PIK3CD: variants seen among roughly 807,000 people sequenced by gnomAD.
PIK3CD encodes the protein phosphatidylinositol-4,5-bisphosphate 3-kinase catalytic subunit delta, also known as phosphatidylinositol 4,5-bisphosphate 3-kinase catalytic subunit delta isoform.
A neutral mutation model predicts 122.9 loss-of-function variants in PIK3CD; 20 were observed. That is an observed-to-expected ratio of 0.16 (90% CI 0.11 to 0.24). The LOEUF is 0.24. Among genes scored for constraint, PIK3CD ranks in the 10% least tolerant of loss-of-function variants. PIK3CD has a pLI of 1.00. For missense variants in PIK3CD, 787 were observed against 1,406.3 expected (o/e 0.56, Z 7.04); for synonymous variants, 596 against 593.4 (o/e 1.00, Z -0.06).
intron 1 of PIK3CD, among the ~76,000 whole-genome samples, chr1:9,684,877 A>G (rs1243422003): frequency 6.6e-6 from 1 of 151,542 alleles, no homozygotes; most frequent in Non-Finnish European, 1.5e-5. Context: ...AAAAAAGAAA[A>G]AAGAATGAGC....
At position 9,716,604 on chromosome 1, in the gene PIK3CD, G is replaced by T; in HGVS notation, c.765G>T (p.Pro255=). 6.4e-7 allele frequency: 1 copy of T among 1,561,858 alleles called. No individual in the cohort carries two copies. The highest frequency in any genetic ancestry group is 8.7e-7 in the Non-Finnish European group (1 of 1,154,676). The stretch of plus-strand genomic sequence containing the variant: ...ATGAGTACCTGTATGGCAGCTACCC[G>T]CTCTGCCAGTTCCAGGTGAGGCCGC... The part of the protein sequence containing the change: ...GRHEYLYGSY[P]LCQFQYICSC... Residue 255 remains proline, a synonymous_variant, in exon 6 of 24, where the codon CCG becomes CCT. Transcript: ENST00000377346.
intron 2 of PIK3CD, among the ~76,000 whole-genome samples, chr1:9,696,479 T>TG (rs1235288024): frequency 1.3e-5 from 2 of 151,066 alleles, no homozygotes; most frequent in African/African-American, 4.9e-5. Flanking sequence ...TGGCTAGGTA[T>TG]GGTGGCCCAC....
intron 1 of PIK3CD, among the ~76,000 whole-genome samples, chr1:9,657,974 C>G (rs535575250): frequency 2.6e-5 from 4 of 152,100 alleles, no homozygotes; most frequent in East Asian, 1.9e-4. Flanking sequence ...CTGGGCCCCC[C>G]CCTTGCATCA....
rs932900886 is a variant in PIK3CD, at chr1:9,718,486, G to T, written c.1021-208G>T. ...CCAGAGTTGGGGTAGCTGAGACAGG[G>T]CACCCATGCACAGCCCGTGGTACCC... On this transcript the variant is annotated intron_variant, in intron 8 of 23. Transcript: ENST00000377346. This position sits in a 1 kb window ranked among gnomAD's most constrained non-coding sequence, Gnocchi z 7.2. Among the ~76,000 whole-genome samples the T allele has an allele frequency of 1.3e-5, 2 of 152,086 alleles. No individual in the cohort carries two copies. The highest frequency in any genetic ancestry group is 4.8e-5 in the African/African-American group (2 of 41,406).
At chr1:9,654,190 C>T (rs763217572) in intron 1 of PIK3CD, 14 of 1,361,536 alleles carry the variant, frequency 1.0e-5, no homozygotes, top group Admixed American at 5.7e-5. Context: ...ATTGGCCACA[C>T]TACTCACTTA....
chr1:9,627,841 G>A, the PIK3CD span, among the ~76,000 whole-genome samples: 1 of 152,202 alleles, frequency 6.6e-6, no homozygotes, highest in Non-Finnish European at 1.5e-5. Context: ...AGGCCAGGGG[G>A]CCTCTTGTTT....
rs930426902 is a variant in PIK3CD, at chr1:9,717,811, C to T, written c.1020+185C>T. Among the ~76,000 whole-genome samples the T allele has an allele frequency of 2.0e-5, 3 of 152,174 alleles. No homozygotes were observed. The highest frequency in any genetic ancestry group is 7.2e-5 in the African/African-American group (3 of 41,430). The stretch of plus-strand genomic sequence containing the variant: ...AGGAAGTGGGGAGGGGGTGGGCCAG[C>T]CGGCCCTGGAGGCTGATTCGTAGAA... On this transcript the variant is annotated intron_variant, in intron 8 of 23. Coordinates refer to ENST00000377346, the MANE Select transcript of PIK3CD (RefSeq NM_005026.5). The surrounding 1 kb of genome is among the most constrained non-coding windows in gnomAD (Gnocchi z 5.4).
At chr1:9,695,803 C>T (rs1168981409) in intron 2 of PIK3CD, among the ~76,000 whole-genome samples, 1 of 149,386 alleles carries the variant, frequency 6.7e-6, no homozygotes, top group Non-Finnish European at 1.5e-5. Context: ...GATTGTGCCA[C>T]TGCACTCTCC....
At position 9,716,464 on chromosome 1, in the gene PIK3CD, A is replaced by C; in HGVS notation, c.625A>C (p.Thr209Pro). 1 of 1,611,068 alleles carries C rather than the reference A, an allele frequency of 6.2e-7. No individual in the cohort carries two copies. Among genetic ancestry groups the C allele is most frequent in the East Asian group, 2.2e-5 (1 of 44,878 alleles). Residue 209 changes from threonine to proline, a missense_variant, in exon 6 of 24, where the codon ACC (threonine) becomes CCC (proline). This residue lies in a region of PIK3CD where 592 missense variants were observed against 920.6 expected (regional missense o/e 0.64). Transcript: ENST00000377346. ...SEESFTFQVS[T>P]KDVPLALMAC... Reference sequence around the variant, plus strand: ...GGAGAGCTTCACCTTCCAGGTGTCCACCAAGGACGTGCCGCTGGCGCTGAT... The same window carrying C: ...GGAGAGCTTCACCTTCCAGGTGTCCCCCAAGGACGTGCCGCTGGCGCTGAT...
intron 1 of PIK3CD, among the ~76,000 whole-genome samples, chr1:9,655,345 G>A (rs949508700): frequency 6.6e-6 from 1 of 152,218 alleles, no homozygotes; most frequent in African/African-American, 2.4e-5. Flanking sequence ...TTAACGCTAA[G>A]ACTGAGTTGT....
At chr1:9,629,859 G>A in the PIK3CD span, among the ~76,000 whole-genome samples, 1 of 152,174 alleles carries the variant, frequency 6.6e-6, no homozygotes, top group African/African-American at 2.4e-5. Context: ...CTGCACCCTC[G>A]CTCTCCACTT....
In PIK3CD at chr1:9,689,507, C is replaced by T. The variant is rs1381721029; in HGVS notation, c.-137-1960C>T. On this transcript the variant is annotated intron_variant, in intron 1 of 23. Transcript: ENST00000377346. This position sits in a 1 kb window ranked among gnomAD's most constrained non-coding sequence, Gnocchi z 6.1. ...CCCGCCCCCAGCCGGCGCCCCGCCC[C>T]GCCTGCCAGTAGTCCCAGCCCCGCC... is the stretch of plus-strand genomic sequence containing the variant. Among the ~76,000 whole-genome samples the T allele has an allele frequency of 6.8e-6, 1 of 147,436 alleles. No individual in the cohort carries two copies. The highest frequency in any genetic ancestry group is 2.5e-5 in the African/African-American group (1 of 40,778).
At chr1:9,697,708 G>A (rs924000557) in intron 2 of PIK3CD, among the ~76,000 whole-genome samples, 5 of 151,582 alleles carry the variant, frequency 3.3e-5, no homozygotes, top group African/African-American at 1.2e-4. Flanking sequence ...ACTGTAGCAC[G>A]GGCAACAAAG....
At chr1:9,666,814 G>C (rs1235049761) in intron 1 of PIK3CD, among the ~76,000 whole-genome samples, 2 of 150,136 alleles carry the variant, frequency 1.3e-5, no homozygotes, top group African/African-American at 4.9e-5. Flanking sequence ...AGGCAATTCT[G>C]CCTCAGCCTC....
chr1:9,649,272 C>T (rs755610855), upstream of PIK3CD, among the ~76,000 whole-genome samples: 1 of 151,900 alleles, frequency 6.6e-6, no homozygotes, highest in Non-Finnish European at 1.5e-5. Flanking sequence ...ACTCCATCAC[C>T]CAGGCTGGAG....
rs923532045 is a variant in PIK3CD, at chr1:9,681,630, G to C, written c.-137-9837G>C. On this transcript the variant is annotated intron_variant, in intron 1 of 23. Coordinates refer to ENST00000377346, the MANE Select transcript of PIK3CD (RefSeq NM_005026.5). ...GTTAGCCAGGCTGGCTTGAACTCCT[G>C]ACCTCAGGCAATCTGCTCGCCTCCC... 2.0e-5 allele frequency among the ~76,000 whole-genome samples: 3 copies of C among 152,274 alleles called. No homozygotes were observed. The South Asian group carries it at 6.2e-4, about 32-fold the overall frequency.
chr1:9,710,610 C>T lies in PIK3CD; in HGVS notation c.141+14C>T. On this transcript the variant is annotated intron_variant, in intron 3 of 23. Transcript: ENST00000377346. This position sits in a 1 kb window ranked among gnomAD's most constrained non-coding sequence, Gnocchi z 4.7. ...ACCATCAAGCAGGTATGGCCTCCAT[C>T]CGGTCCTCAGACCTTGGTGCTCAGA... 1 of 1,612,848 alleles carries T rather than the reference C, an allele frequency of 6.2e-7. No individual in the cohort carries two copies. Among genetic ancestry groups the T allele is most frequent in the Non-Finnish European group, 8.5e-7 (1 of 1,179,738 alleles).
intron 1 of PIK3CD, among the ~76,000 whole-genome samples, chr1:9,678,693 G>A (rs1207962319): frequency 6.6e-6 from 1 of 152,146 alleles, no homozygotes; most frequent in African/African-American, 2.4e-5. Flanking sequence ...CCTCAAAGGG[G>A]CAAATCATTC....
intron 1 of PIK3CD, 134 bp from the exon 2 acceptor site, chr1:9,691,333 T>C (rs1041233220): frequency 4.4e-5 from 17 of 388,160 alleles, no homozygotes; most frequent in Admixed American, 1.3e-4. Context: ...GGAATGTGAT[T>C]GGTTTGCAAA....
Sources: allele counts gnomAD v4.1 joint callset (sites outside exome capture counted in the v4.1 genomes callset), GRCh38; gene constraint gnomAD v4.1.1; regional missense constraint gnomAD v4.1.1; non-coding constraint Gnocchi (gnomAD v3.1); transcripts MANE v1.5; gene names NCBI Gene and HGNC (gene_info 2026-07-23, HGNC 2026-07-21).